The following CDH13 variants were observed in gnomAD, a reference collection of about 807,000 sequenced individuals.
The protein encoded by CDH13 is cadherin-13.
In CDH13, 24 loss-of-function variants were observed where a neutral mutation model predicts 63.8. That is an observed-to-expected ratio of 0.38 (90% confidence interval 0.27 to 0.53). The LOEUF (loss-of-function observed/expected upper bound fraction) is 0.53, where lower values mean the gene tolerates loss of function less well. CDH13 is among the 20% of genes least tolerant of loss of function. The probability of loss-of-function intolerance (pLI) is 0.85; values close to 1 mark genes in which losing one functional copy is unlikely to be tolerated. For synonymous variants in CDH13, 503 were observed against 355.3 expected, an observed-to-expected ratio of 1.42 and a Z score of -4.67; for missense variants, 1,049 against 903.1, an observed-to-expected ratio of 1.16 and a Z score of -2.07.
intron 6 of CDH13, among the ~76,000 whole-genome samples, chr16:83,447,063 AAAAAAAAAAAAC>A (rs981657426): frequency 2.8e-5 from 4 of 141,914 alleles, no homozygotes; most frequent in African/African-American, 1.0e-4. Context: ...TAAAAAAAAA[AAAAAAAAAAAAC>A]AAAAAACACC....
intron 5 of CDH13, among the ~76,000 whole-genome samples, chr16:83,272,538 A>C (rs77758845): frequency 0.07 from 10,616 of 152,272 alleles, 461 homozygotes; most frequent in Middle Eastern, 0.15. Context: ...ATGTCCTTAT[A>C]GATTTATAGA....
rs146965577 is a variant in CDH13, at chr16:83,386,254, A to G, written c.781+41248A>G. Among the ~76,000 whole-genome samples, 110 of 152,292 alleles carry G rather than the reference A, an allele frequency of 7.2e-4. 2 individuals carry two copies. In the East Asian group the frequency reaches 0.021, roughly 29 times the overall value. On this transcript the variant is annotated intron_variant, in intron 6 of 13. Transcript: ENST00000567109. ...CATGGAGAAAAGATGTGTGGCCACGATCTCTTGACCGAATCCAGCATCAGA... is the reference window on the plus strand; with the variant it reads ...CATGGAGAAAAGATGTGTGGCCACGGTCTCTTGACCGAATCCAGCATCAGA...
At chr16:83,550,187 T>G (rs886511557) in intron 7 of CDH13, among the ~76,000 whole-genome samples, 1 of 152,158 alleles carries the variant, frequency 6.6e-6, no homozygotes, top group African/African-American at 2.4e-5. Flanking sequence ...GCTCAAACAT[T>G]GGTGAAGCCC....
At chr16:82,673,748 G>T (rs904630609) in intron 1 of CDH13, among the ~76,000 whole-genome samples, 7 of 152,202 alleles carry the variant, frequency 4.6e-5, no homozygotes, top group African/African-American at 1.7e-4. Context: ...TCACATTAGA[G>T]TGGGCAGAGA....
In CDH13 at chr16:83,043,094, T is replaced by C. The variant is rs183417447; in HGVS notation, c.366+10876T>C. 7.6e-4 allele frequency among the ~76,000 whole-genome samples: 116 copies of C among 152,354 alleles called. 1 individual carries two copies. The highest frequency in any genetic ancestry group is 1.5e-3 in the Admixed American group (23 of 15,302). On this transcript the variant is annotated intron_variant, in intron 3 of 13. Coordinates refer to ENST00000567109, the MANE Select transcript of CDH13 (RefSeq NM_001257.5). Reference sequence around the variant, plus strand: ...AAGAATTGGGCCTAGAATTCAATAATAGGCTGTTACATCTTGACACATGCC... The same window carrying C: ...AAGAATTGGGCCTAGAATTCAATAACAGGCTGTTACATCTTGACACATGCC...
chr16:83,488,508 G>C (rs2073943117), intron 7 of CDH13, among the ~76,000 whole-genome samples: 1 of 152,098 alleles, frequency 6.6e-6, no homozygotes, highest in Non-Finnish European at 1.5e-5. Context: ...ATTGTCCTTT[G>C]GAAAATGTAA....
rs572950519 is a variant in CDH13 at position 82,852,094 on chromosome 16, G to A, written c.46-6268G>A. On this transcript the variant is annotated intron_variant, in intron 1 of 13. Coordinates refer to ENST00000567109, the MANE Select transcript of CDH13 (RefSeq NM_001257.5). ...GCTGGTTTAAGAGGGGATGGAACCT[G>A]AGAGTGTTCTCAACCTCGTGAGATT... 2.6e-5 allele frequency among the ~76,000 whole-genome samples: 4 copies of A among 152,340 alleles called. No homozygotes were observed. The East Asian group carries it at 7.7e-4, about 29-fold the overall frequency.
chr16:82,724,964 G>A (rs2033009065), intron 1 of CDH13, among the ~76,000 whole-genome samples: 1 of 152,198 alleles, frequency 6.6e-6, no homozygotes, highest in African/African-American at 2.4e-5. Context: ...TAGTTTTAAA[G>A]ATTAAATAAG....
At chr16:83,706,414 C>T (rs1012021595) in intron 10 of CDH13, among the ~76,000 whole-genome samples, 2 of 152,094 alleles carry the variant, frequency 1.3e-5, no homozygotes, top group Admixed American at 6.6e-5. Flanking sequence ...ACGAGAGGAG[C>T]GTCAGAAATA....
chr16:83,679,739 T>G (rs531581498), intron 10 of CDH13, among the ~76,000 whole-genome samples: 48 of 152,344 alleles, frequency 3.2e-4, no homozygotes, highest in African/African-American at 1.1e-3. Context: ...TACAAGGTAG[T>G]TGGACAAAGG....
At chr16:83,547,377 G>T (rs1321246787) in intron 7 of CDH13, among the ~76,000 whole-genome samples, 1 of 152,160 alleles carries the variant, frequency 6.6e-6, no homozygotes, top group Admixed American at 6.5e-5. Flanking sequence ...CATGCCATGG[G>T]GGTTTGGTGT....
chr16:83,505,219 C>G (rs796807493), intron 7 of CDH13, among the ~76,000 whole-genome samples: 4 of 152,312 alleles, frequency 2.6e-5, no homozygotes, highest in African/African-American at 9.6e-5. Context: ...CCATTGTACC[C>G]AGAAGAAACA....
At chr16:83,152,911 A>G (rs2037047808) in intron 4 of CDH13, among the ~76,000 whole-genome samples, 1 of 152,162 alleles carries the variant, frequency 6.6e-6, no homozygotes, top group African/African-American at 2.4e-5. Context: ...GCCCACAAAG[A>G]AAGAACACTG....
intron 10 of CDH13, among the ~76,000 whole-genome samples, chr16:83,684,841 G>A (rs551270829): frequency 5.3e-5 from 8 of 152,268 alleles, no homozygotes; most frequent in Middle Eastern, 3.4e-3. Context: ...AACATAACAG[G>A]AAAATTCAAA....
chr16:83,222,467 G>A (rs766658508), intron 5 of CDH13, among the ~76,000 whole-genome samples: 8 of 152,120 alleles, frequency 5.3e-5, no homozygotes, highest in South Asian at 2.1e-4. Context: ...TAAGACGATT[G>A]GGAGATATAG....
intron 1 of CDH13, among the ~76,000 whole-genome samples, chr16:82,692,519 G>C (rs577178525): frequency 1.6e-4 from 24 of 152,286 alleles, no homozygotes; most frequent in African/African-American, 5.5e-4. Flanking sequence ...CCATGAGAAT[G>C]ACATGGGAAA....
At chr16:82,873,323 A>C (rs1173130356) in intron 2 of CDH13, among the ~76,000 whole-genome samples, 2 of 152,230 alleles carry the variant, frequency 1.3e-5, no homozygotes, top group African/African-American at 4.8e-5. Context: ...AGGGGTATAA[A>C]GATTGACTAA....
At chr16:83,193,697 C>T (rs1439762036) in intron 4 of CDH13, among the ~76,000 whole-genome samples, 1 of 152,172 alleles carries the variant, frequency 6.6e-6, no homozygotes, top group East Asian at 1.9e-4. Flanking sequence ...TAACTTAAAT[C>T]ACTGGCTCCT....
At chr16:83,096,072 C>A (rs534544390) in intron 3 of CDH13, among the ~76,000 whole-genome samples, 1 of 152,058 alleles carries the variant, frequency 6.6e-6, no homozygotes, top group Non-Finnish European at 1.5e-5. Context: ...CACCTTGTGC[C>A]GAACTTAACA....
Sources: allele counts gnomAD v4.1 joint callset (sites outside exome capture counted in the v4.1 genomes callset), GRCh38; gene constraint gnomAD v4.1.1; transcripts MANE v1.5; gene names NCBI Gene and HGNC (gene_info 2026-07-23, HGNC 2026-07-21).